CDH13: variants seen among roughly 807,000 people sequenced by gnomAD.
CDH13 encodes cadherin-13.
A neutral mutation model predicts 63.8 loss-of-function variants in CDH13; 24 were observed. That is an observed-to-expected ratio of 0.38 (90% confidence interval 0.27 to 0.53). The LOEUF (loss-of-function observed/expected upper bound fraction) is 0.53. Among genes scored for constraint, CDH13 ranks in the 20% least tolerant of loss-of-function variants. CDH13 has a pLI of 0.85. For missense variants in CDH13, 1,049 were observed against 903.1 expected, an observed-to-expected ratio of 1.16 and a Z score of -2.07; for synonymous variants, 503 against 355.3, an observed-to-expected ratio of 1.42 and a Z score of -4.67.
chr16:83,530,795 G>T (rs1395771545), intron 7 of CDH13, among the ~76,000 whole-genome samples: 5 of 152,166 alleles, frequency 3.3e-5, no homozygotes, highest in African/African-American at 1.2e-4. Context: ...ATCTCAGATT[G>T]CCACCTCTAT....
intron 8 of CDH13, among the ~76,000 whole-genome samples, chr16:83,660,552 G>A (rs982378566): frequency 9.9e-5 from 15 of 152,184 alleles, no homozygotes; most frequent in African/African-American, 2.4e-4. Flanking sequence ...TGTGTGGCCC[G>A]GTTACTAACA....
Position 83,780,075 on chromosome 16 carries a change from A to C in CDH13, c.1789A>C (p.Lys597Gln). The C allele has an allele frequency of 1.2e-6, 2 of 1,613,638 alleles. No individual in the cohort carries two copies. Among genetic ancestry groups the C allele is most frequent in the Non-Finnish European group, 1.7e-6 (2 of 1,179,618 alleles). The change falls in exon 12 of 14, where the codon AAA (lysine) becomes CAA (glutamine). Residue 597 changes from lysine to glutamine, a missense_variant. By Grantham distance (53) the Lys-to-Gln change is moderately conservative (BLOSUM62 1). Transcript: ENST00000567109. ...AGTAGCTGAAGTCTGTGATGATGCC[A>C]AAAACCTCAGTGTAGTCATTTTGGG... ...PTVAEVCDDA[K>Q]NLSVVILGAS...
intron 2 of CDH13, among the ~76,000 whole-genome samples, chr16:82,975,249 G>C (rs78990268): frequency 0.026 from 4,008 of 152,328 alleles, 68 homozygotes; most frequent in African/African-American, 0.037. Flanking sequence ...CATTAGGAAA[G>C]CAGAGATAAG....
At chr16:83,546,255 T>G (rs1352176239) in intron 7 of CDH13, among the ~76,000 whole-genome samples, 2 of 152,136 alleles carry the variant, frequency 1.3e-5, no homozygotes, top group Non-Finnish European at 2.9e-5. Context: ...GGCTCTGAAC[T>G]CCTGGAGGGT....
At chr16:82,994,276 C>G (rs950882334) in intron 2 of CDH13, among the ~76,000 whole-genome samples, 1 of 152,122 alleles carries the variant, frequency 6.6e-6, no homozygotes, top group Non-Finnish European at 1.5e-5. Context: ...AGCTAGAGAC[C>G]CACGTCTCTA....
At chr16:83,643,331 A>T (rs193190810) in intron 8 of CDH13, among the ~76,000 whole-genome samples, 2 of 151,114 alleles carry the variant, frequency 1.3e-5, no homozygotes, top group Non-Finnish European at 2.9e-5. Flanking sequence ...ATCTCTCCAC[A>T]CACCTGAGAG....
At chr16:82,709,415 C>G (rs778742423) in intron 1 of CDH13, among the ~76,000 whole-genome samples, 1 of 152,132 alleles carries the variant, frequency 6.6e-6, no homozygotes, top group African/African-American at 2.4e-5. Context: ...GTCTGTGTAG[C>G]AGACAAATTT....
intron 1 of CDH13, among the ~76,000 whole-genome samples, chr16:82,728,418 G>A (rs2033216259): frequency 6.8e-6 from 1 of 147,180 alleles, no homozygotes; most frequent in Non-Finnish European, 1.5e-5. Context: ...GCAATAAAGT[G>A]AATATTACAA....
chr16:83,543,497 T>C (rs1003384405), intron 7 of CDH13, among the ~76,000 whole-genome samples: 2 of 152,198 alleles, frequency 1.3e-5, no homozygotes, highest in African/African-American at 4.8e-5. Flanking sequence ...TGAGAATTCA[T>C]CTCTATTTAG....
At chr16:83,319,879 G>C (rs566042102) in intron 5 of CDH13, among the ~76,000 whole-genome samples, 1 of 152,158 alleles carries the variant, frequency 6.6e-6, no homozygotes, top group Non-Finnish European at 1.5e-5. Flanking sequence ...TCACCTGCTC[G>C]TTCAAAATTT....
At chr16:82,641,390 C>T (rs1040553169) in intron 1 of CDH13, among the ~76,000 whole-genome samples, 3 of 152,164 alleles carry the variant, frequency 2.0e-5, no homozygotes, top group South Asian at 2.1e-4. Flanking sequence ...ATTTCTCTTG[C>T]CACCATTACA....
At chr16:83,590,344 G>C (rs1413062171) in intron 7 of CDH13, among the ~76,000 whole-genome samples, 1 of 152,184 alleles carries the variant, frequency 6.6e-6, no homozygotes, top group African/African-American at 2.4e-5. Context: ...GACTCGAGAG[G>C]AAGGGGAGGT....
At chr16:83,548,602 C>G (rs994378902) in intron 7 of CDH13, among the ~76,000 whole-genome samples, 2 of 152,152 alleles carry the variant, frequency 1.3e-5, no homozygotes, top group Admixed American at 1.3e-4. Context: ...ATAGCCAGTT[C>G]TTTTACAAGG....
intron 1 of CDH13, among the ~76,000 whole-genome samples, chr16:82,659,303 C>G (rs1291083927): frequency 1.3e-5 from 2 of 151,472 alleles, no homozygotes; most frequent in African/African-American, 4.8e-5. Flanking sequence ...AAGGTAGAAA[C>G]ACGTAACTCA....
intron 1 of CDH13, among the ~76,000 whole-genome samples, chr16:82,710,555 ATATATAT>A (rs2031851660): frequency 1.3e-5 from 1 of 78,038 alleles, no homozygotes; most frequent in African/African-American, 4.8e-5. Context: ...AAAAAAAAAT[ATATATAT>A]ATATATATAT....
At chr16:83,150,908 T>A (rs1406504987) in intron 4 of CDH13, among the ~76,000 whole-genome samples, 1 of 152,196 alleles carries the variant, frequency 6.6e-6, no homozygotes, top group Admixed American at 6.5e-5. Flanking sequence ...CTTAGATGTG[T>A]ATAGCAATCT....
At chr16:83,185,027 A>G (rs540562727) in intron 4 of CDH13, among the ~76,000 whole-genome samples, 2 of 151,714 alleles carry the variant, frequency 1.3e-5, no homozygotes, top group African/African-American at 2.4e-5. Context: ...TATCTTTCTG[A>G]TATACCTATC....
intron 6 of CDH13, among the ~76,000 whole-genome samples, chr16:83,421,252 C>T (rs1043420508): frequency 2.6e-5 from 4 of 152,034 alleles, no homozygotes; most frequent in Admixed American, 6.6e-5. Flanking sequence ...AATAAATATC[C>T]AGAAGAGGGT....
rs537633681 is a variant in CDH13 at position 82,798,310 on chromosome 16, T to G, written c.46-60052T>G. 3.3e-5 allele frequency among the ~76,000 whole-genome samples: 5 copies of G among 152,312 alleles called. No homozygotes were observed. In the South Asian group the frequency reaches 6.2e-4, roughly 19 times the overall value. ...AGCCGCACACTCAGTAAGCTAATAT[T>G]AGAACTCAGGTCTGTCTGATTTCAG... On this transcript the variant is annotated intron_variant, in intron 1 of 13. Transcript: ENST00000567109.
Sources: gnomAD v4.1 joint callset for allele counts (sites outside exome capture counted in the v4.1 genomes callset) on GRCh38, gnomAD v4.1.1 for gene constraint, MANE v1.5 for transcripts, NCBI Gene and HGNC (gene_info 2026-07-23, HGNC 2026-07-21) for gene names.